GRIK4: variants seen among roughly 807,000 people sequenced by gnomAD.
GRIK4 encodes glutamate receptor ionotropic, kainate 4.
In GRIK4, 40 loss-of-function variants were observed where a neutral mutation model predicts 104.9. The ratio of observed to expected loss-of-function variants is 0.38; its 90% CI spans 0.30 to 0.50. The LOEUF (loss-of-function observed/expected upper bound fraction) is 0.50. Ranked by LOEUF, GRIK4 falls within the 20% of genes least tolerant of loss-of-function variation. GRIK4 has a pLI of 0.93. For missense variants in GRIK4, 1,047 were observed against 1,308.1 expected (o/e 0.80, Z 3.08); for synonymous variants, 485 against 524.9 (o/e 0.92, Z 1.04).
At chr11:120,700,825 C>T (rs1468503761) in intron 3 of GRIK4, among the ~76,000 whole-genome samples, 4 of 152,180 alleles carry the variant, frequency 2.6e-5, no homozygotes, top group Admixed American at 2.0e-4. Context: ...CTTCTGACCT[C>T]AGGGGATCCG....
intron 1 of GRIK4, among the ~76,000 whole-genome samples, chr11:120,651,413 T>C (rs931415585): frequency 6.6e-6 from 1 of 152,136 alleles, no homozygotes; most frequent in African/African-American, 2.4e-5. Context: ...GGAGGGGCCA[T>C]TGTTTAGAGG....
intron 1 of GRIK4, among the ~76,000 whole-genome samples, chr11:120,614,344 G>C (rs1949077702): frequency 6.6e-6 from 1 of 152,186 alleles, no homozygotes; most frequent in East Asian, 1.9e-4. Context: ...GGCCACCCGG[G>C]GCCCAATCCC....
intron 3 of GRIK4, among the ~76,000 whole-genome samples, chr11:120,673,962 C>T (rs1591792856): frequency 1.3e-5 from 2 of 152,306 alleles, no homozygotes; most frequent in South Asian, 4.1e-4. Context: ...GAGCCTGACT[C>T]TATCTCTCTG....
rs1301619260 is a variant in GRIK4 at position 120,892,455 on chromosome 11, T to A, written c.1165-6077T>A. Among the ~76,000 whole-genome samples, 4 of 151,980 alleles carry A rather than the reference T, an allele frequency of 2.6e-5. No homozygotes were observed. In the East Asian group the frequency reaches 7.7e-4, roughly 29 times the overall value. On this transcript the variant is annotated intron_variant, in intron 11 of 20. Transcript: ENST00000527524. ...GAGTGAATTCTAGTCCCAGGCAAGA[T>A]CAGTGGGGATTTTGATTAGGGTGGA...
chr11:120,869,417 A>G (rs1281895486), intron 9 of GRIK4: 1 of 152,166 alleles, frequency 6.6e-6, no homozygotes, highest in Admixed American at 6.5e-5. Context: ...AACCTTGAGG[A>G]TTTTCCTTCT....
At chr11:120,877,147 A>C (rs1592024996) in intron 11 of GRIK4, among the ~76,000 whole-genome samples, 1 of 152,222 alleles carries the variant, frequency 6.6e-6, no homozygotes, top group East Asian at 1.9e-4. Flanking sequence ...GCAGAGCTGC[A>C]TTGTCTGTAA....
At chr11:120,777,117 C>A (rs915333187) in intron 3 of GRIK4, among the ~76,000 whole-genome samples, 1 of 152,126 alleles carries the variant, frequency 6.6e-6, no homozygotes, top group African/African-American at 2.4e-5. Flanking sequence ...GTCTTCCCTC[C>A]CATTCTAAAA....
chr11:120,519,530 A>G (rs1947771098), intron 1 of GRIK4, among the ~76,000 whole-genome samples: 1 of 152,248 alleles, frequency 6.6e-6, no homozygotes, highest in Admixed American at 6.5e-5. Flanking sequence ...CCCCGCCTCC[A>G]GAACTGTGAG....
chr11:120,861,446 G>T (rs1441322547), intron 8 of GRIK4, among the ~76,000 whole-genome samples: 2 of 152,016 alleles, frequency 1.3e-5, no homozygotes, highest in Admixed American at 1.3e-4. Context: ...GATGCTGATG[G>T]TAGAATCACA....
intron 1 of GRIK4, among the ~76,000 whole-genome samples, chr11:120,635,486 C>T (rs1009221959): frequency 2.0e-5 from 3 of 152,216 alleles, no homozygotes; most frequent in Non-Finnish European, 4.4e-5. Context: ...GCTCCTGCTC[C>T]GGATGCCTGG....
At chr11:120,554,433 G>A (rs1239604788) in intron 1 of GRIK4, among the ~76,000 whole-genome samples, 3 of 152,274 alleles carry the variant, frequency 2.0e-5, no homozygotes, top group East Asian at 3.9e-4. Flanking sequence ...TCCTGCCTCC[G>A]CTTAGGTGTT....
At chr11:120,908,895 A>G (rs1942931820) in intron 13 of GRIK4, among the ~76,000 whole-genome samples, 1 of 152,216 alleles carries the variant, frequency 6.6e-6, no homozygotes, top group South Asian at 2.1e-4. Context: ...TCGAGGTGCA[A>G]AGCATAAAAT....
At chr11:120,792,153 T>C (rs1257817983) in intron 3 of GRIK4, among the ~76,000 whole-genome samples, 4 of 152,116 alleles carry the variant, frequency 2.6e-5, no homozygotes, top group Non-Finnish European at 2.9e-5. Flanking sequence ...GGAGGGGATG[T>C]CTGAGCCGAG....
intron 3 of GRIK4, among the ~76,000 whole-genome samples, chr11:120,694,313 C>A (rs373717553): frequency 2.6e-5 from 4 of 152,198 alleles, no homozygotes; most frequent in Admixed American, 6.5e-5. Context: ...TCATATCCTG[C>A]GACCTAAGAC....
chr11:120,926,830 C>G (rs905298668), intron 13 of GRIK4, among the ~76,000 whole-genome samples: 3 of 152,170 alleles, frequency 2.0e-5, no homozygotes, highest in Non-Finnish European at 2.9e-5. Context: ...AGACAATCAA[C>G]AGGTAAACTG....
chr11:120,961,068 C>G lies in GRIK4; in HGVS notation c.2034C>G (p.Phe678Leu). The change falls in exon 17 of 21, where the codon TTC becomes TTG. Residue 678 changes from phenylalanine to leucine, a missense_variant. Physicochemically the swap from Phe to Leu is conservative, Grantham distance 22 (BLOSUM62 0). Coordinates refer to ENST00000527524, the MANE Select transcript of GRIK4 (RefSeq NM_014619.5). ...TTCACGGAGGCTCCAGCATGACCTT[C>G]TTCCAAGTAAACCCCATTTGGTTGC... ...GTIHGGSSMT[F>L]FQNSRYQTYQ... The G allele has an allele frequency of 6.2e-7, 1 of 1,613,954 alleles. No homozygotes were observed. Among genetic ancestry groups the G allele is most frequent in the Non-Finnish European group, 8.5e-7 (1 of 1,179,908 alleles).
At chr11:120,876,764 A>G (rs2135690792) in intron 11 of GRIK4, among the ~76,000 whole-genome samples, 1 of 152,352 alleles carries the variant, frequency 6.6e-6, no homozygotes, top group Middle Eastern at 3.4e-3. Flanking sequence ...CAAATTATGC[A>G]TCAGAATCAC....
At chr11:120,522,377 C>T (rs182900979) in intron 1 of GRIK4, among the ~76,000 whole-genome samples, 99 of 152,026 alleles carry the variant, frequency 6.5e-4, no homozygotes, top group South Asian at 3.5e-3. Flanking sequence ...GCTGGAGTGC[C>T]GTGGCGCGAC....
At chr11:120,763,636 A>G (rs914292245) in intron 3 of GRIK4, among the ~76,000 whole-genome samples, 11 of 152,164 alleles carry the variant, frequency 7.2e-5, no homozygotes, top group African/African-American at 2.4e-4. Context: ...AGATTCTGGT[A>G]CGTTGTGTCT....
Sources: gnomAD v4.1 joint callset for allele counts (sites outside exome capture counted in the v4.1 genomes callset) on GRCh38, gnomAD v4.1.1 for gene constraint, MANE v1.5 for transcripts, NCBI Gene and HGNC (gene_info 2026-07-23, HGNC 2026-07-21) for gene names.